The following SLA variants were observed in gnomAD, a reference collection of about 807,000 sequenced individuals.
The protein encoded by SLA is Src like adaptor, also known as src-like-adapter.
SLA carries 16 observed loss-of-function variants against 30.3 expected under a neutral mutation model. The observed-to-expected ratio is 0.53, with a 90% CI of 0.36 to 0.80. SLA has a LOEUF of 0.80. Among genes scored for constraint, SLA ranks in the 30% least tolerant of loss-of-function variants. The pLI, the probability that SLA is intolerant of heterozygous loss-of-function variation, is 0.01. For synonymous variants in SLA, 143 were observed against 137.8 expected (o/e 1.04, Z -0.26); for missense variants, 310 against 345.2 (o/e 0.90, Z 0.81).
intron 1 of SLA, among the ~76,000 whole-genome samples, chr8:133,097,507 A>G (rs1230778959): frequency 1.3e-5 from 2 of 152,266 alleles, no homozygotes; most frequent in Non-Finnish European, 2.9e-5. Flanking sequence ...AGCTAGATTT[A>G]TCTCTACTGG....
At chr8:133,091,313 C>A (rs1847481671) in intron 1 of SLA, among the ~76,000 whole-genome samples, 1 of 152,200 alleles carries the variant, frequency 6.6e-6, no homozygotes, top group Non-Finnish European at 1.5e-5. Flanking sequence ...GAGGTAGACA[C>A]CACTGTAGAT....
chr8:133,060,898 C>T (rs2741202), intron 2 of SLA, among the ~76,000 whole-genome samples: 106,669 of 152,144 alleles, frequency 0.7, 37,879 homozygotes, highest in African/African-American at 0.75. Context: ...GAGATTTGAA[C>T]CACTGATGCT....
chr8:133,061,790 T>C (rs934969806), intron 2 of SLA, among the ~76,000 whole-genome samples: 5 of 152,164 alleles, frequency 3.3e-5, no homozygotes, highest in Non-Finnish European at 7.4e-5. Flanking sequence ...CCATGCCCTA[T>C]GTGTACAGGT....
intron 2 of SLA, among the ~76,000 whole-genome samples, chr8:133,072,671 T>C (rs981622852): frequency 6.6e-6 from 1 of 152,252 alleles, no homozygotes; most frequent in Non-Finnish European, 1.5e-5. Context: ...GGCACTGATT[T>C]AGGTGCACTA....
At chr8:133,069,635 A>G (rs2076284186) in intron 2 of SLA, among the ~76,000 whole-genome samples, 1 of 152,178 alleles carries the variant, frequency 6.6e-6, no homozygotes, top group African/African-American at 2.4e-5. Context: ...GAGAGCAGCC[A>G]GCAGGTTTGT....
At chr8:133,042,902 C>A (rs1033230862) in intron 7 of SLA, among the ~76,000 whole-genome samples, 2 of 151,750 alleles carry the variant, frequency 1.3e-5, no homozygotes, top group African/African-American at 4.8e-5. Flanking sequence ...CCATGTTGGT[C>A]AGACTAGCCT....
intron 2 of SLA, among the ~76,000 whole-genome samples, chr8:133,061,208 C>G (rs900006458): frequency 6.6e-6 from 1 of 152,176 alleles, no homozygotes; most frequent in Non-Finnish European, 1.5e-5. Flanking sequence ...TGGGGTTTCA[C>G]CATGTTGCCA....
chr8:133,039,956 C>T lies in SLA; in HGVS notation c.617+42G>A, dbSNP rs973858403. ...CATGTTCACAGAGCACTTGCATGCA[C>T]ACACACACACACACACACACACATA... On this transcript the variant is annotated intron_variant, in intron 8 of 8. Coordinates refer to ENST00000338087, the MANE Select transcript of SLA (RefSeq NM_001045556.3). 99 of 1,369,262 alleles carry T rather than the reference C, an allele frequency of 7.2e-5. 1 individual carries two copies. The highest frequency in any genetic ancestry group is 9.2e-5 in the Non-Finnish European group (93 of 1,012,638). 84.8% of individuals were successfully genotyped at this position (1,369,262 alleles called of 1,614,324 possible). A position where few individuals can be genotyped will look rare whatever the true frequency, so the allele number is the denominator to read the frequency against.
chr8:133,052,311 T>G lies in SLA; in HGVS notation c.62-1396A>C, dbSNP rs374663119. ...AAGTAATCACGGTGGAACAGTGCAG[T>G]CAAATGTATTGTTCATTTGGGGAAG... On this transcript the variant is annotated intron_variant, in intron 3 of 8. Coordinates refer to ENST00000338087, the MANE Select transcript of SLA (RefSeq NM_001045556.3). Among the ~76,000 whole-genome samples, 14 of 152,338 alleles carry G rather than the reference T, an allele frequency of 9.2e-5. No individual in the cohort carries two copies. In the East Asian group the frequency reaches 1.9e-3, roughly 21 times the overall value.
At position 133,038,862 on chromosome 8, in the gene SLA, C is replaced by T. The variant is rs1388223896; in HGVS notation, c.618-125G>A. 4.8e-6 allele frequency: 3 copies of T among 618,598 alleles called. No homozygotes were observed. The East Asian group carries it at 8.3e-5, about 17-fold the overall frequency. 38.3% of individuals were successfully genotyped at this position (618,598 alleles called of 1,614,324 possible). A position where few individuals can be genotyped will look rare whatever the true frequency, so the allele number is the denominator to read the frequency against. ...AAAACAAAAATCCTGGTGACTATTT[C>T]TCTAACTTATTATTATTTTTCTTTA... On this transcript the variant is annotated intron_variant, in intron 8 of 8. Transcript: ENST00000338087.
At chr8:133,058,456 G>A (rs1841859276) in intron 3 of SLA, among the ~76,000 whole-genome samples, 1 of 152,346 alleles carries the variant, frequency 6.6e-6, no homozygotes, top group Admixed American at 6.5e-5. Context: ...AGGCAAATGA[G>A]CAAGCCTTGG....
intron 1 of SLA, among the ~76,000 whole-genome samples, chr8:133,099,891 ACT>A (rs954457438): frequency 2.6e-5 from 4 of 151,770 alleles, no homozygotes; most frequent in African/African-American, 4.8e-5. Context: ...CTAGCCCCCA[ACT>A]CTCTCTCTGC....
rs1159389739 is a variant in SLA, at chr8:133,036,984, C to T, written c.*1540G>A. ...ACGTTGGCTGGTTCCTTTGAAATAG[C>T]CTTTTGGAACGGTTGGGGAAACCAC... On this transcript the variant is annotated 3_prime_UTR_variant, in exon 9 of 9. Coordinates refer to ENST00000338087, the MANE Select transcript of SLA (RefSeq NM_001045556.3). 6.6e-6 allele frequency: 1 copy of T among 152,212 alleles called. No homozygotes were observed. The highest frequency in any genetic ancestry group is 1.5e-5 in the Non-Finnish European group (1 of 68,026). 9.4% of individuals were successfully genotyped at this position (152,212 alleles called of 1,614,324 possible).
chr8:133,100,473 A>C (rs1011106945), intron 1 of SLA, among the ~76,000 whole-genome samples: 1 of 152,240 alleles, frequency 6.6e-6, no homozygotes, highest in Non-Finnish European at 1.5e-5. Flanking sequence ...GGCACACAAT[A>C]GACATTCACT....
At chr8:133,059,825 A>G (rs1166811029) in intron 3 of SLA, among the ~76,000 whole-genome samples, 3 of 152,208 alleles carry the variant, frequency 2.0e-5, no homozygotes, top group Non-Finnish European at 2.9e-5. Flanking sequence ...CAGTCTCCCT[A>G]TCTGGAAAAT....
At chr8:133,059,018 G>A in intron 3 of SLA, 1 of 459,880 alleles carries the variant, frequency 2.2e-6, no homozygotes, top group African/African-American at 2.0e-5. Context: ...CAGTGAGAAG[G>A]CTCCTTTGTG....
At chr8:133,044,928 C>T in intron 7 of SLA, 56 bp downstream of exon 7, 3 of 1,585,624 alleles carry the variant, frequency 1.9e-6, no homozygotes, top group African/African-American at 1.3e-5. Flanking sequence ...CGCCACAGAG[C>T]AATTAGCTAA....
intron 2 of SLA, among the ~76,000 whole-genome samples, chr8:133,065,987 G>A (rs890479339): frequency 3.9e-5 from 6 of 152,030 alleles, no homozygotes; most frequent in Non-Finnish European, 8.8e-5. Context: ...AAGAGAGCGA[G>A]GCCAGTTGAG....
intron 1 of SLA, among the ~76,000 whole-genome samples, chr8:133,095,373 C>CACCACAGCCT (rs1206919503): frequency 1.3e-5 from 2 of 152,164 alleles, no homozygotes; most frequent in African/African-American, 4.8e-5. Flanking sequence ...GCTGTGCATG[C>CACCACAGCCT]GCCACAGCCT....
Sources: gnomAD v4.1 joint callset for allele counts (sites outside exome capture counted in the v4.1 genomes callset) on GRCh38, gnomAD v4.1.1 for gene constraint, MANE v1.5 for transcripts, NCBI Gene and HGNC (gene_info 2026-07-23, HGNC 2026-07-21) for gene names.